Variants in RPF2 observed in about 807,000 individuals in gnomAD.
The protein encoded by RPF2 is brix domain containing 1.
Under a neutral mutation model 38.9 loss-of-function variants are expected in RPF2, and 21 were observed. The observed-to-expected ratio is 0.54, with a 90% confidence interval of 0.38 to 0.78. The LOEUF (loss-of-function observed/expected upper bound fraction) is 0.78. Ranked by LOEUF, RPF2 falls within the 30% of genes least tolerant of loss-of-function variation. RPF2 has a pLI of 0.00. For missense variants in RPF2, 314 were observed against 358.1 expected (o/e 0.88, Z 0.99); for synonymous variants, 121 against 126.2 (o/e 0.96, Z 0.28).
At chr6:111,021,489 T>C (rs1314511460) in intron 8 of RPF2, among the ~76,000 whole-genome samples, 1 of 152,152 alleles carries the variant, frequency 6.6e-6, no homozygotes, top group East Asian at 1.9e-4. Context: ...TTGGGGAGCA[T>C]TGAGGATGGG....
At chr6:110,998,710 A>G (rs537372609) in intron 5 of RPF2, among the ~76,000 whole-genome samples, 27 of 152,266 alleles carry the variant, frequency 1.8e-4, no homozygotes, top group African/African-American at 6.0e-4. Context: ...CAGGAATGTC[A>G]GGCGACCATC....
At chr6:110,988,575 G>A (rs939430165) in intron 2 of RPF2, among the ~76,000 whole-genome samples, 1 of 152,126 alleles carries the variant, frequency 6.6e-6, no homozygotes, top group South Asian at 2.1e-4. Context: ...AGCTGGGACT[G>A]CAGGCATGCA....
At chr6:111,015,690 T>G in intron 7 of RPF2, 64 bp from the exon 8 acceptor site, 2 of 1,149,368 alleles carry the variant, frequency 1.7e-6, no homozygotes, top group South Asian at 1.2e-5. Flanking sequence ...AGAGTGCAGT[T>G]CTTTGTAACT....
chr6:111,004,934 T>A (rs529729233), intron 6 of RPF2, among the ~76,000 whole-genome samples: 85 of 146,436 alleles, frequency 5.8e-4, no homozygotes, highest in African/African-American at 2.1e-3. Flanking sequence ...CAACTTCAAA[T>A]TTTTTTTTTT....
chr6:111,015,979 A>C, intron 8 of RPF2, 123 bp downstream of exon 8: 1 of 709,264 alleles, frequency 1.4e-6, no homozygotes, highest in Non-Finnish European at 2.5e-6. Context: ...GAGAGTTGGC[A>C]GGATAGCAGT....
intron 7 of RPF2, among the ~76,000 whole-genome samples, chr6:111,012,111 C>T (rs1583271626): frequency 7.0e-6 from 1 of 143,694 alleles, no homozygotes; most frequent in South Asian, 2.3e-4. Context: ...GAAAAGTTAA[C>T]TTTTTTTCAT....
rs35637912 is a variant in RPF2, at chr6:111,008,018, CTT to C, written c.394-4_394-3del. The C allele has an allele frequency of 0.04, 55,270 of 1,366,806 alleles. No individual in the cohort carries two copies. The highest frequency in any genetic ancestry group is 0.15 in the East Asian group (5,621 of 36,948). 84.7% of individuals were successfully genotyped at this position (1,366,806 alleles called of 1,614,324 possible). On this transcript the variant is annotated intron_variant, in intron 6 of 9. Transcript: ENST00000441448. ...TTAGACTTTGGTAATTATATAATTG[CTT>C]TTTTTTTTTTTTTTTAGAACAGTAA... is the stretch of plus-strand genomic sequence containing the variant.
intron 6 of RPF2, 139 bp from the exon 7 acceptor site, chr6:111,007,899 A>G: frequency 1.0e-6 from 1 of 1,000,416 alleles, no homozygotes; most frequent in Non-Finnish European, 1.3e-6. Flanking sequence ...GTGAGCTGAG[A>G]TTGTGCCACT....
At chr6:111,012,931 A>G (rs923917785) in intron 7 of RPF2, among the ~76,000 whole-genome samples, 1 of 152,128 alleles carries the variant, frequency 6.6e-6, no homozygotes, top group African/African-American at 2.4e-5. Context: ...TGGCCTCCCA[A>G]AGTGCTGGGA....
intron 4 of RPF2, 93 bp from the exon 5 acceptor site, chr6:110,997,090 C>A: frequency 1.3e-6 from 1 of 777,672 alleles, no homozygotes. Flanking sequence ...TGTGAGCCAC[C>A]GTGCCTGGCC....
chr6:110,991,354 G>A (rs1771616530), intron 3 of RPF2, among the ~76,000 whole-genome samples: 1 of 147,844 alleles, frequency 6.8e-6, no homozygotes, highest in South Asian at 2.1e-4. Flanking sequence ...GCAGTGGCAC[G>A]ATCATATTTC....
rs954254870 is a variant in RPF2, at chr6:111,027,805, A to G, written c.*2223A>G. On this transcript the variant is annotated 3_prime_UTR_variant, in exon 10 of 10. Transcript: ENST00000441448. ...TTTGCTGATAGAAGTACCAAATAGT[A>G]TTATTGAAGTCTAACAAAGACTTTT... The G allele has an allele frequency of 2.0e-5, 3 of 152,348 alleles. No individual in the cohort carries two copies. Among genetic ancestry groups the G allele is most frequent in the Admixed American group, 2.0e-4 (3 of 15,306 alleles). The allele number at this position is 152,348 out of a possible 1,614,324, so 9.4% of individuals were successfully genotyped here. A position where few individuals can be genotyped will look rare whatever the true frequency, so the allele number is the denominator to read the frequency against.
At chr6:111,020,619 G>C (rs978858073) in intron 8 of RPF2, among the ~76,000 whole-genome samples, 1 of 152,076 alleles carries the variant, frequency 6.6e-6, no homozygotes. Flanking sequence ...CCAGTACTTT[G>C]GGAGGCCAAG....
intron 3 of RPF2, among the ~76,000 whole-genome samples, chr6:110,990,199 A>G (rs2114296404): frequency 6.6e-6 from 1 of 151,910 alleles, no homozygotes; most frequent in South Asian, 2.1e-4. Flanking sequence ...CGGCCTCCCA[A>G]AGTGCTGGGA....
intron 4 of RPF2, among the ~76,000 whole-genome samples, chr6:110,995,068 A>T (rs1328068595): frequency 6.6e-6 from 1 of 151,014 alleles, no homozygotes; most frequent in Non-Finnish European, 1.5e-5. Flanking sequence ...CCATACCCGG[A>T]TTTTTTTTGT....
At chr6:110,991,041 C>T (rs1771611217) in intron 3 of RPF2, among the ~76,000 whole-genome samples, 1 of 152,148 alleles carries the variant, frequency 6.6e-6, no homozygotes, top group Admixed American at 6.6e-5. Context: ...CGATGGGTTC[C>T]AGAAACCTCC....
chr6:110,986,082 G>T (rs1168574225), intron 2 of RPF2, among the ~76,000 whole-genome samples: 1 of 152,168 alleles, frequency 6.6e-6, no homozygotes, highest in East Asian at 1.9e-4. Flanking sequence ...AAAGAAGTTT[G>T]TGCAAAAGGG....
At position 111,009,356 on chromosome 6, in the gene RPF2, A is replaced by AT. The variant is rs369163031; in HGVS notation, c.493+1229dup. ...GGTGTGAGCCACTGCGCCAGGCCTAATTTTTTTTTTATTTTTAGTAGAGAC... is the reference window on the plus strand; with the variant it reads ...GGTGTGAGCCACTGCGCCAGGCCTAATTTTTTTTTTTATTTTTAGTAGAGAC... On this transcript the variant is annotated intron_variant, in intron 7 of 9. Coordinates refer to ENST00000441448, the MANE Select transcript of RPF2 (RefSeq NM_032194.3). 1.0e-3 allele frequency among the ~76,000 whole-genome samples: 150 copies of AT among 149,060 alleles called. 1 individual carries two copies. The East Asian group carries it at 0.017, about 17-fold the overall frequency.
chr6:111,011,747 CAG>C (rs1256567518), intron 7 of RPF2, among the ~76,000 whole-genome samples: 1 of 152,136 alleles, frequency 6.6e-6, no homozygotes, highest in East Asian at 1.9e-4. Context: ...TTTGTTATAA[CAG>C]AGAGAGCTTT....
Sources: gnomAD v4.1 joint callset for allele counts (sites outside exome capture counted in the v4.1 genomes callset) on GRCh38, gnomAD v4.1.1 for gene constraint, MANE v1.5 for transcripts, NCBI Gene and HGNC (gene_info 2026-07-23, HGNC 2026-07-21) for gene names.